Variants in CACNA1E observed in about 807,000 individuals in gnomAD.
CACNA1E encodes the protein voltage-dependent R-type calcium channel subunit alpha-1E.
CACNA1E carries 40 observed loss-of-function variants against 259.2 expected under a neutral mutation model. The ratio of observed to expected loss-of-function variants is 0.15; its 90% CI spans 0.12 to 0.20. CACNA1E has a LOEUF of 0.20. Among genes scored for constraint, CACNA1E ranks in the 10% least tolerant of loss-of-function variants. The pLI is 1.00. For missense variants in CACNA1E, 1,874 were observed against 3,040.1 expected (o/e 0.62, Z 9.02); for synonymous variants, 1,104 against 1,138.5 (o/e 0.97, Z 0.61).
intron 7 of CACNA1E, among the ~76,000 whole-genome samples, chr1:181,691,306 T>C (rs962615064): frequency 1.3e-5 from 2 of 151,996 alleles, no homozygotes; most frequent in South Asian, 4.1e-4. Flanking sequence ...ACTTATTTAA[T>C]TTTTTTAGGT....
chr1:181,461,230 C>T (rs1310031651), intron 2 of CACNA1E, among the ~76,000 whole-genome samples: 1 of 152,090 alleles, frequency 6.6e-6, no homozygotes, highest in East Asian at 1.9e-4. Context: ...TATGATAGTA[C>T]CCCTGTGAGA....
At chr1:181,547,433 C>T (rs1647614219) in intron 3 of CACNA1E, among the ~76,000 whole-genome samples, 1 of 152,254 alleles carries the variant, frequency 6.6e-6, no homozygotes, top group Non-Finnish European at 1.5e-5. Context: ...TTCACGATGA[C>T]ACGGGCTGGT....
intron 8 of CACNA1E, among the ~76,000 whole-genome samples, chr1:181,714,716 T>C (rs940031087): frequency 6.6e-6 from 1 of 152,194 alleles, no homozygotes; most frequent in Non-Finnish European, 1.5e-5. Flanking sequence ...AATTTTATCT[T>C]AGGGACAAAT....
intron 25 of CACNA1E, among the ~76,000 whole-genome samples, chr1:181,740,688 C>G (rs943323994): frequency 3.9e-5 from 6 of 152,180 alleles, no homozygotes; most frequent in African/African-American, 1.2e-4. Context: ...GTTTGTGACT[C>G]TAAAATGGGC....
rs115211649 is a variant in CACNA1E at position 181,493,916 on chromosome 1, A to G, written c.266+9906A>G. On this transcript the variant is annotated intron_variant, in intron 1 of 47. Coordinates refer to ENST00000367573, the MANE Select transcript of CACNA1E (RefSeq NM_001205293.3). ...GGGCTTCTCATGAGCCACTCTGCAC[A>G]TTGCGCCAGCTTTCCTTGACCACTG... 8.2e-3 allele frequency among the ~76,000 whole-genome samples: 1,250 copies of G among 152,294 alleles called. 18 individuals carry two copies. The highest frequency in any genetic ancestry group is 0.029 in the African/African-American group (1,195 of 41,544).
At chr1:181,520,447 C>T (rs1258446492) in intron 3 of CACNA1E, among the ~76,000 whole-genome samples, 1 of 151,814 alleles carries the variant, frequency 6.6e-6, no homozygotes, top group Non-Finnish European at 1.5e-5. Context: ...ACCATGAGTG[C>T]CTTGAAAAAA....
intron 6 of CACNA1E, among the ~76,000 whole-genome samples, chr1:181,598,302 G>T (rs138996655): frequency 4.1e-4 from 62 of 152,338 alleles, no homozygotes; most frequent in South Asian, 6.2e-4. Context: ...TTCAGTGGAT[G>T]CCTTGAGGAA....
intron 1 of CACNA1E, among the ~76,000 whole-genome samples, chr1:181,336,972 ATAATATAGATATTTATATATCTAT>A (rs1263868936): frequency 1.3e-5 from 2 of 148,974 alleles, no homozygotes; most frequent in East Asian, 3.9e-4. Flanking sequence ...ATTAAAATAT[ATAATATAGATATTTATATATCTAT>A]ATTTATTTTA....
intron 41 of CACNA1E, among the ~76,000 whole-genome samples, chr1:181,785,053 G>T (rs1231135124): frequency 6.6e-6 from 1 of 152,062 alleles, no homozygotes; most frequent in African/African-American, 2.4e-5. Context: ...AGAATGGTAG[G>T]CGTGATGCTT....
intron 3 of CACNA1E, among the ~76,000 whole-genome samples, chr1:181,559,040 G>A (rs1334706355): frequency 6.6e-6 from 1 of 152,188 alleles, no homozygotes; most frequent in Non-Finnish European, 1.5e-5. Flanking sequence ...AAGGACTAGC[G>A]AAGCCCTTGA....
intron 8 of CACNA1E, among the ~76,000 whole-genome samples, chr1:181,713,174 T>C (rs939262306): frequency 6.6e-6 from 1 of 152,116 alleles, no homozygotes; most frequent in African/African-American, 2.4e-5. Flanking sequence ...CCTTGAGTGC[T>C]TCCCAGAGAT....
At chr1:181,720,914 C>A (rs914158258) in intron 15 of CACNA1E, 59 bp downstream of exon 15, 1 of 1,053,954 alleles carries the variant, frequency 9.5e-7, no homozygotes, top group Non-Finnish European at 1.5e-6. Context: ...CTGCACACTG[C>A]AAGACAAGGA....
chr1:181,756,854 T>C (rs937547703), intron 29 of CACNA1E, 71 bp from the exon 30 acceptor site: 1 of 1,016,628 alleles, frequency 9.8e-7, no homozygotes, highest in Non-Finnish European at 1.5e-6. Context: ...AAAATTATAA[T>C]AGGTGGCACA....
intron 6 of CACNA1E, among the ~76,000 whole-genome samples, chr1:181,587,389 A>G (rs899178127): frequency 1.3e-5 from 2 of 152,204 alleles, no homozygotes; most frequent in African/African-American, 4.8e-5. Context: ...CTCTGGTCAC[A>G]TTCAGCCACT....
chr1:181,527,946 T>C (rs1667484750), intron 3 of CACNA1E, among the ~76,000 whole-genome samples: 1 of 152,228 alleles, frequency 6.6e-6, no homozygotes, highest in Admixed American at 6.5e-5. Context: ...CTTACTTCTT[T>C]CTGTATTGAT....
At chr1:181,763,367 A>G (rs1016821678) in intron 33 of CACNA1E, 39 bp from the exon 34 acceptor site, 1 of 1,523,762 alleles carries the variant, frequency 6.6e-7, no homozygotes, top group East Asian at 2.3e-5. Flanking sequence ...CTAAATCACC[A>G]TAATGTTCCT....
chr1:181,627,347 A>G (rs1656289365), intron 6 of CACNA1E, among the ~76,000 whole-genome samples: 2 of 152,218 alleles, frequency 1.3e-5, no homozygotes, highest in African/African-American at 4.8e-5. Context: ...TTATCAATTG[A>G]CAGAATATGA....
chr1:181,431,807 A>G (rs143153980), intron 2 of CACNA1E, among the ~76,000 whole-genome samples: 9 of 152,254 alleles, frequency 5.9e-5, no homozygotes, highest in South Asian at 4.1e-4. Flanking sequence ...CTTTCATTCT[A>G]TGTGATGGAC....
intron 6 of CACNA1E, among the ~76,000 whole-genome samples, chr1:181,616,541 T>C (rs1655226803): frequency 6.6e-6 from 1 of 152,026 alleles, no homozygotes; most frequent in Non-Finnish European, 1.5e-5. Flanking sequence ...TGAAACCCCA[T>C]CTCTACTAAA....
Sources: allele counts gnomAD v4.1 joint callset (sites outside exome capture counted in the v4.1 genomes callset), GRCh38; gene constraint gnomAD v4.1.1; transcripts MANE v1.5; gene names NCBI Gene and HGNC (gene_info 2026-07-23, HGNC 2026-07-21).